Variants in CACNA2D3 observed in about 807,000 individuals in gnomAD.
CACNA2D3 encodes the protein voltage-dependent calcium channel subunit alpha-2/delta-3.
In CACNA2D3, 60 loss-of-function variants were observed where a neutral mutation model predicts 160.6. The ratio of observed to expected loss-of-function variants is 0.37; its 90% CI spans 0.30 to 0.46. CACNA2D3 has a LOEUF of 0.46. CACNA2D3 is among the 20% of genes least tolerant of loss of function. The pLI is 1.00. For missense variants in CACNA2D3, 1,205 were observed against 1,365.0 expected (o/e 0.88, Z 1.85); for synonymous variants, 558 against 492.9 (o/e 1.13, Z -1.75).
chr3:54,456,539 A>G (rs1389368885), intron 4 of CACNA2D3, among the ~76,000 whole-genome samples: 1 of 151,894 alleles, frequency 6.6e-6, no homozygotes, highest in Non-Finnish European at 1.5e-5. Context: ...CTCTGTATTC[A>G]TTAGGGATAT....
chr3:54,731,517 T>C (rs1003475786), intron 11 of CACNA2D3, among the ~76,000 whole-genome samples: 1 of 152,178 alleles, frequency 6.6e-6, no homozygotes, highest in Non-Finnish European at 1.5e-5. Context: ...ATTTACATCA[T>C]TGGCTCTCTC....
At chr3:54,241,317 A>T (rs964444682) in intron 2 of CACNA2D3, among the ~76,000 whole-genome samples, 6 of 152,154 alleles carry the variant, frequency 3.9e-5, no homozygotes. Flanking sequence ...TCCTGAGCAG[A>T]GCTGTATATA....
intron 13 of CACNA2D3, among the ~76,000 whole-genome samples, chr3:54,802,276 A>G (rs1027017942): frequency 6.6e-6 from 1 of 152,126 alleles, no homozygotes; most frequent in African/African-American, 2.4e-5. Context: ...GCAGACTGGC[A>G]CTCATGGGAA....
At chr3:55,044,331 G>A (rs984801458) in intron 35 of CACNA2D3, among the ~76,000 whole-genome samples, 15 of 152,022 alleles carry the variant, frequency 9.9e-5, no homozygotes, top group African/African-American at 2.9e-4. Context: ...TTTTTAAAAC[G>A]TTATACCTAT....
chr3:54,591,441 T>G (rs1426369463), intron 9 of CACNA2D3, among the ~76,000 whole-genome samples: 1 of 152,112 alleles, frequency 6.6e-6, no homozygotes, highest in Non-Finnish European at 1.5e-5. Context: ...ACTTGCCTGG[T>G]TTTCCGAGGG....
chr3:54,888,200 G>A (rs1211044478), intron 24 of CACNA2D3, 148 bp downstream of exon 24: 3 of 632,904 alleles, frequency 4.7e-6, no homozygotes, highest in East Asian at 5.6e-5. Flanking sequence ...AAGAGCTAGA[G>A]CAGATTAGCG....
intron 14 of CACNA2D3, among the ~76,000 whole-genome samples, chr3:54,822,774 CTTT>C (rs1559595504): frequency 1.4e-3 from 119 of 85,798 alleles, no homozygotes; most frequent in African/African-American, 3.8e-3. Context: ...TTCTTTCTTT[CTTT>C]CTTTCTTTCT....
At chr3:54,338,234 T>C (rs1704434179) in intron 3 of CACNA2D3, among the ~76,000 whole-genome samples, 1 of 152,232 alleles carries the variant, frequency 6.6e-6, no homozygotes, top group Non-Finnish European at 1.5e-5. Flanking sequence ...TTTTCTCCTA[T>C]GGCTTGGGTG....
At chr3:54,300,047 C>T (rs745949986) in intron 2 of CACNA2D3, among the ~76,000 whole-genome samples, 19 of 152,114 alleles carry the variant, frequency 1.2e-4, no homozygotes, top group Non-Finnish European at 1.3e-4. Flanking sequence ...ATTTTCTCTC[C>T]GATCAAAGAG....
At chr3:54,878,587 C>G in intron 18 of CACNA2D3, 1 of 103,044 alleles carries the variant, frequency 9.7e-6, no homozygotes, top group Non-Finnish European at 2.0e-5. Flanking sequence ...TTTTTTTTTT[C>G]TTCTTCTTTT....
At chr3:54,712,099 C>G (rs1700963714) in intron 11 of CACNA2D3, among the ~76,000 whole-genome samples, 1 of 152,204 alleles carries the variant, frequency 6.6e-6, no homozygotes, top group Admixed American at 6.5e-5. Flanking sequence ...TAGGTGACCT[C>G]AGGCAAGAGT....
intron 4 of CACNA2D3, among the ~76,000 whole-genome samples, chr3:54,472,790 C>G (rs1250827577): frequency 1.3e-5 from 2 of 152,042 alleles, no homozygotes; most frequent in Non-Finnish European, 2.9e-5. Flanking sequence ...TTCACAATTG[C>G]TACAAAGAGA....
At chr3:54,763,300 A>C (rs1047947703) in intron 12 of CACNA2D3, among the ~76,000 whole-genome samples, 2 of 152,052 alleles carry the variant, frequency 1.3e-5, no homozygotes. Context: ...ACATAGGCAA[A>C]AAACATATCC....
chr3:54,798,756 C>G (rs186602049), intron 13 of CACNA2D3, among the ~76,000 whole-genome samples: 1 of 152,184 alleles, frequency 6.6e-6, no homozygotes, highest in Non-Finnish European at 1.5e-5. Context: ...AACCCACTAG[C>G]GAGCAGCAGC....
intron 11 of CACNA2D3, among the ~76,000 whole-genome samples, chr3:54,655,022 T>C (rs1455935260): frequency 6.6e-6 from 1 of 152,188 alleles, no homozygotes; most frequent in East Asian, 1.9e-4. Flanking sequence ...AGTCCCAAGC[T>C]GGGGGCCCAG....
In CACNA2D3 at chr3:54,372,392, A is replaced by G. The variant is rs75636827; in HGVS notation, c.322-14323A>G. Among the ~76,000 whole-genome samples, 338 of 152,304 alleles carry G rather than the reference A, an allele frequency of 2.2e-3. 2 individuals carry two copies. The highest frequency in any genetic ancestry group is 7.3e-3 in the African/African-American group (303 of 41,574). On this transcript the variant is annotated intron_variant, in intron 3 of 37. Transcript: ENST00000474759. ...AGCAAGACTCCACTCTGGTCATGTC[A>G]GAGCCTTGGAGAGTTGCCAGAGTCC...
intron 2 of CACNA2D3, among the ~76,000 whole-genome samples, chr3:54,286,592 T>C (rs909027721): frequency 3.9e-5 from 6 of 152,022 alleles, no homozygotes; most frequent in East Asian, 1.9e-4. Flanking sequence ...CACAAAGATA[T>C]TCCTCGAGAA....
intron 2 of CACNA2D3, among the ~76,000 whole-genome samples, chr3:54,167,465 G>T (rs1576973710): frequency 6.6e-6 from 1 of 152,162 alleles, no homozygotes; most frequent in East Asian, 1.9e-4. Context: ...CGCAGAGCCT[G>T]GGGATTTGTA....
At chr3:54,687,128 T>TC (rs1700470805) in intron 11 of CACNA2D3, among the ~76,000 whole-genome samples, 1 of 55,250 alleles carries the variant, frequency 1.8e-5, no homozygotes, top group South Asian at 4.6e-4. Context: ...TTTCTTTTTT[T>TC]TTTTTTGTTT....
Sources: allele counts gnomAD v4.1 joint callset (sites outside exome capture counted in the v4.1 genomes callset), GRCh38; gene constraint gnomAD v4.1.1; transcripts MANE v1.5; gene names NCBI Gene and HGNC (gene_info 2026-07-23, HGNC 2026-07-21).